The following TBC1D1 variants were observed in gnomAD, a reference collection of about 807,000 sequenced individuals.
The protein encoded by TBC1D1 is TBC1 (tre-2/USP6, BUB2, cdc16) domain family, member 1.
Under a neutral mutation model 125.6 loss-of-function variants are expected in TBC1D1, and 89 were observed. The ratio of observed to expected loss-of-function variants is 0.71; its 90% CI spans 0.60 to 0.85. TBC1D1 has a LOEUF of 0.85. Among genes scored for constraint, TBC1D1 ranks in the 40% least tolerant of loss-of-function variants. TBC1D1 has a pLI of 0.00. For synonymous variants in TBC1D1, 565 were observed against 564.1 expected, an observed-to-expected ratio of 1.00 and a Z score of -0.02; for missense variants, 1,377 against 1,469.2, an observed-to-expected ratio of 0.94 and a Z score of 1.03.
At chr4:38,057,677 T>C (rs1751979302) in intron 12 of TBC1D1, among the ~76,000 whole-genome samples, 2 of 152,268 alleles carry the variant, frequency 1.3e-5, no homozygotes, top group Admixed American at 1.3e-4. Context: ...AGCCACATAT[T>C]ATGCTCTTTT....
intron 6 of TBC1D1, among the ~76,000 whole-genome samples, 154 bp downstream of exon 6, chr4:38,021,872 T>C (rs1344460426): frequency 6.6e-6 from 1 of 152,218 alleles, no homozygotes; most frequent in Non-Finnish European, 1.5e-5. Flanking sequence ...AGTGGGTGTC[T>C]TCTGTATGTC....
At chr4:38,054,526 C>G (rs1187137583) in intron 12 of TBC1D1, among the ~76,000 whole-genome samples, 188 bp downstream of exon 14, 2 of 152,124 alleles carry the variant, frequency 1.3e-5, no homozygotes, top group Non-Finnish European at 2.9e-5. Context: ...GAATTTAAAG[C>G]TAATTTAGGG....
At chr4:37,956,074 G>A (rs1225174938) in intron 2 of TBC1D1, among the ~76,000 whole-genome samples, 2 of 151,318 alleles carry the variant, frequency 1.3e-5, no homozygotes, top group African/African-American at 4.9e-5. Context: ...CACTCAGGCT[G>A]GAGTACCGGT....
chr4:37,980,328 G>A (rs1363014464), intron 2 of TBC1D1, among the ~76,000 whole-genome samples: 2 of 152,202 alleles, frequency 1.3e-5, no homozygotes, highest in Non-Finnish European at 2.9e-5. Flanking sequence ...GTGATTTCTT[G>A]ATTAGTCTTT....
At chr4:38,066,984 C>T (rs1753857149) in intron 12 of TBC1D1, among the ~76,000 whole-genome samples, 1 of 152,096 alleles carries the variant, frequency 6.6e-6, no homozygotes, top group Admixed American at 6.5e-5. Flanking sequence ...TCAAGCGATT[C>T]TCCTGCCTCA....
intron 2 of TBC1D1, among the ~76,000 whole-genome samples, chr4:37,970,403 C>T (rs1388354850): frequency 6.6e-6 from 1 of 152,218 alleles, no homozygotes; most frequent in African/African-American, 2.4e-5. Context: ...TGATTTCTGT[C>T]CTATCTCCTC....
chr4:38,001,432 T>A (rs1739065613), intron 2 of TBC1D1, among the ~76,000 whole-genome samples: 1 of 152,186 alleles, frequency 6.6e-6, no homozygotes, highest in Non-Finnish European at 1.5e-5. Flanking sequence ...TATGTGAGCA[T>A]AATGGATTAA....
intron 2 of TBC1D1, among the ~76,000 whole-genome samples, chr4:37,971,887 A>C (rs1652143204): frequency 6.6e-6 from 1 of 152,160 alleles, no homozygotes; most frequent in African/African-American, 2.4e-5. Context: ...TTAATAATTG[A>C]GAATGCATTC....
chr4:38,093,746 T>C (rs541048585), intron 13 of TBC1D1, among the ~76,000 whole-genome samples: 2 of 152,272 alleles, frequency 1.3e-5, no homozygotes, highest in South Asian at 4.1e-4. Flanking sequence ...TTGGCCAGAA[T>C]GGTCTCGAAC....
At chr4:38,044,128 C>A (rs1179773457) in intron 8 of TBC1D1, among the ~76,000 whole-genome samples, 1 of 152,216 alleles carries the variant, frequency 6.6e-6, no homozygotes, top group African/African-American at 2.4e-5. Flanking sequence ...ACTACTTCAA[C>A]TGATTGGTTT....
chr4:38,059,074 A>C (rs1752285667), intron 12 of TBC1D1, among the ~76,000 whole-genome samples: 1 of 152,240 alleles, frequency 6.6e-6, no homozygotes, highest in Non-Finnish European at 1.5e-5. Flanking sequence ...AATCCCCATG[A>C]AATAATTAAG....
chr4:37,966,420 C>T (rs117272787), intron 2 of TBC1D1, among the ~76,000 whole-genome samples: 28 of 152,294 alleles, frequency 1.8e-4, no homozygotes, highest in African/African-American at 5.3e-4. Flanking sequence ...TACTTAGAAG[C>T]GTTTAAAAAA....
At chr4:38,135,063 A>G (rs1255790120) in intron 19 of TBC1D1, among the ~76,000 whole-genome samples, 2 of 152,166 alleles carry the variant, frequency 1.3e-5, no homozygotes, top group East Asian at 3.9e-4. Flanking sequence ...CCCTACGAAA[A>G]TATGCCTCTC....
At chr4:37,999,268 A>G (rs758675540) in intron 2 of TBC1D1, among the ~76,000 whole-genome samples, 4 of 152,174 alleles carry the variant, frequency 2.6e-5, no homozygotes, top group Admixed American at 6.5e-5. Context: ...AAAACAGAAG[A>G]AAAAAAGAAA....
chr4:37,938,932 A>T (rs530243902), intron 2 of TBC1D1, among the ~76,000 whole-genome samples: 50 of 152,320 alleles, frequency 3.3e-4, no homozygotes, highest in African/African-American at 9.6e-4. Flanking sequence ...TCATTGATGG[A>T]CATCTGGGTT....
At chr4:37,979,242 C>T (rs1733872706) in intron 2 of TBC1D1, among the ~76,000 whole-genome samples, 1 of 152,322 alleles carries the variant, frequency 6.6e-6, no homozygotes, top group African/African-American at 2.4e-5. Context: ...GGAGCAAATT[C>T]ATGTATACCT....
At chr4:38,000,082 T>C (rs978198926) in intron 2 of TBC1D1, among the ~76,000 whole-genome samples, 7 of 152,258 alleles carry the variant, frequency 4.6e-5, no homozygotes, top group Non-Finnish European at 7.3e-5. Context: ...ATTTCTTTGA[T>C]GACTATAGCG....
rs1374516741 is a variant in TBC1D1, at chr4:38,054,190, T to C, written c.1911-9T>C. 3 of 1,613,672 alleles carry C rather than the reference T, an allele frequency of 1.9e-6. No individual in the cohort carries two copies. Among genetic ancestry groups the C allele is most frequent in the South Asian group, 2.2e-5 (2 of 91,070 alleles). ...CACTAGTCATAAATCAATCATCTTA[T>C]AATTTTAGGGACTTTGAATCCAAAG... is the stretch of plus-strand genomic sequence containing the variant. On this transcript the variant is annotated splice_polypyrimidine_tract_variant and intron_variant, in intron 11 of 19. Transcript: ENST00000261439.
chr4:37,902,135 T>C lies in TBC1D1; in HGVS notation c.40T>C (p.Ser14Pro), dbSNP rs2279027. 977,219 of 1,610,302 alleles carry C rather than the reference T, an allele frequency of 0.61. 299,968 individuals are homozygous for C. Among genetic ancestry groups the C allele is most frequent in the African/African-American group, 0.84 (62,773 of 74,656 alleles). Reference sequence around the variant, plus strand: ...ATTCACAGCAAGGAAACATCTGCTTTCTAACGAGGTCTCGGTGGATTTTGG... The same window carrying C: ...ATTCACAGCAAGGAAACATCTGCTTCCTAACGAGGTCTCGGTGGATTTTGG... Residue 14 changes from serine (S) to proline (P), a missense_variant, in exon 2 of 20, where the codon TCT becomes CCT. Coordinates refer to ENST00000261439, the MANE Select transcript of TBC1D1 (RefSeq NM_015173.4).
Sources: gnomAD v4.1 joint callset for allele counts (sites outside exome capture counted in the v4.1 genomes callset) on GRCh38, gnomAD v4.1.1 for gene constraint, MANE v1.5 for transcripts, NCBI Gene and HGNC (gene_info 2026-07-23, HGNC 2026-07-21) for gene names.